KIAA1328: variants seen among roughly 807,000 people sequenced by gnomAD.
The protein encoded by KIAA1328 is protein hinderin.
A neutral mutation model predicts 68.1 loss-of-function variants in KIAA1328; 52 were observed. The observed-to-expected ratio is 0.76, with a 90% CI of 0.61 to 0.96. KIAA1328 has a LOEUF of 0.96. KIAA1328 is among the 40% of genes least tolerant of loss of function. KIAA1328 has a pLI of 0.00. For missense variants in KIAA1328, 641 were observed against 677.6 expected (o/e 0.95, Z 0.60); for synonymous variants, 232 against 239.4 (o/e 0.97, Z 0.28).
At chr18:36,979,348 A>G (rs2052595212) in intron 6 of KIAA1328, among the ~76,000 whole-genome samples, 1 of 152,156 alleles carries the variant, frequency 6.6e-6, no homozygotes, top group Non-Finnish European at 1.5e-5. Flanking sequence ...ACTAAGAAGT[A>G]AATTTAACCA....
chr18:37,191,255 C>T (rs1024773892), intron 9 of KIAA1328, among the ~76,000 whole-genome samples: 4 of 152,140 alleles, frequency 2.6e-5, no homozygotes, highest in Non-Finnish European at 5.9e-5. Context: ...TTAAATTTAA[C>T]TTCTTTTATA....
At chr18:37,096,747 CTT>C (rs1181525029) in intron 7 of KIAA1328, among the ~76,000 whole-genome samples, 1 of 152,170 alleles carries the variant, frequency 6.6e-6, no homozygotes, top group East Asian at 1.9e-4. Flanking sequence ...TGTTTCCTGA[CTT>C]TTTAATGATT....
intron 7 of KIAA1328, among the ~76,000 whole-genome samples, chr18:37,082,296 C>G (rs2056975288): frequency 6.6e-6 from 1 of 151,626 alleles, no homozygotes; most frequent in African/African-American, 2.4e-5. Context: ...CTCAGCCTCC[C>G]AAGTAGCTGG....
intron 7 of KIAA1328, among the ~76,000 whole-genome samples, chr18:37,085,742 C>G (rs1297338268): frequency 1.3e-5 from 2 of 152,154 alleles, no homozygotes; most frequent in African/African-American, 4.8e-5. Flanking sequence ...TGATAACCAT[C>G]TATTTGCTCC....
intron 7 of KIAA1328, among the ~76,000 whole-genome samples, chr18:37,090,241 A>T (rs2057230090): frequency 6.6e-6 from 1 of 152,158 alleles, no homozygotes; most frequent in Non-Finnish European, 1.5e-5. Context: ...TTAATATTTT[A>T]AAAACAGTAT....
intron 7 of KIAA1328, among the ~76,000 whole-genome samples, chr18:37,105,107 G>T (rs529779415): frequency 3.3e-5 from 5 of 152,274 alleles, no homozygotes; most frequent in African/African-American, 9.6e-5. Context: ...AAATTCTTCA[G>T]CAACATGACT....
At chr18:36,926,827 G>A (rs558964018) in intron 5 of KIAA1328, among the ~76,000 whole-genome samples, 8 of 152,146 alleles carry the variant, frequency 5.3e-5, no homozygotes, top group Admixed American at 6.5e-5. Context: ...AAGAAAAGAC[G>A]TGTAATTGGC....
In KIAA1328 at chr18:36,933,458, G is replaced by A. The variant is rs751419252; in HGVS notation, c.449-25850G>A. ...GGTAGATAACATGGCTAGTAGATGGGTCATATTTCTCAGACCAGCCCTGCA... is the reference window on the plus strand; with the variant it reads ...GGTAGATAACATGGCTAGTAGATGGATCATATTTCTCAGACCAGCCCTGCA... On this transcript the variant is annotated intron_variant, in intron 5 of 9. Coordinates refer to ENST00000280020, the MANE Select transcript of KIAA1328 (RefSeq NM_020776.3). 1.4e-4 allele frequency among the ~76,000 whole-genome samples: 21 copies of A among 152,292 alleles called. 2 individuals carry two copies. The highest frequency in any genetic ancestry group is 1.1e-3 in the Admixed American group (17 of 15,286).
At chr18:37,135,142 AAT>A (rs1176341986) in intron 7 of KIAA1328, among the ~76,000 whole-genome samples, 1 of 152,064 alleles carries the variant, frequency 6.6e-6, no homozygotes, top group Non-Finnish European at 1.5e-5. Context: ...CGCTATTGTG[AAT>A]AGTGTTGCAG....
At chr18:36,890,538 G>C (rs928691875) in intron 5 of KIAA1328, among the ~76,000 whole-genome samples, 1 of 152,106 alleles carries the variant, frequency 6.6e-6, no homozygotes, top group Non-Finnish European at 1.5e-5. Flanking sequence ...GGGCAAGGTG[G>C]TGTGTGCCTG....
chr18:37,086,084 G>T (rs1205916699), intron 7 of KIAA1328, among the ~76,000 whole-genome samples: 1 of 152,182 alleles, frequency 6.6e-6, no homozygotes, highest in East Asian at 1.9e-4. Flanking sequence ...ACCAGGGCCT[G>T]GGGGGTTGGG....
At chr18:36,883,494 A>G (rs549137568) in intron 4 of KIAA1328, among the ~76,000 whole-genome samples, 68 of 152,232 alleles carry the variant, frequency 4.5e-4, no homozygotes, top group Non-Finnish European at 2.2e-4. Flanking sequence ...GCATGCCAAC[A>G]GCAGGTCCCT....
chr18:36,957,255 A>G (rs540320324), intron 5 of KIAA1328, among the ~76,000 whole-genome samples: 20 of 152,286 alleles, frequency 1.3e-4, no homozygotes, highest in Admixed American at 5.2e-4. Context: ...TCGACCCTTA[A>G]TCGTGATGAC....
At chr18:36,917,014 C>CA (rs1017140982) in intron 5 of KIAA1328, among the ~76,000 whole-genome samples, 46 of 149,598 alleles carry the variant, frequency 3.1e-4, no homozygotes, top group Non-Finnish European at 4.8e-4. Flanking sequence ...AAAGCAAAAA[C>CA]AAAAAAAATC....
intron 4 of KIAA1328, among the ~76,000 whole-genome samples, chr18:36,874,076 C>T (rs938165862): frequency 1.3e-5 from 2 of 152,184 alleles, no homozygotes; most frequent in African/African-American, 2.4e-5. Context: ...TTTTCTTTAT[C>T]CAGTCTATCA....
chr18:37,198,741 T>C (rs185855282), intron 9 of KIAA1328, among the ~76,000 whole-genome samples: 1 of 152,324 alleles, frequency 6.6e-6, no homozygotes, highest in East Asian at 1.9e-4. Flanking sequence ...ACTTGTAAAT[T>C]TGATAGTGTA....
At chr18:36,922,482 G>A (rs144929052) in intron 5 of KIAA1328, among the ~76,000 whole-genome samples, 202 of 152,184 alleles carry the variant, frequency 1.3e-3, no homozygotes, top group African/African-American at 4.6e-3. Flanking sequence ...ATTTTTTGAA[G>A]AATCCATCAT....
chr18:36,860,687 C>T (rs968962185), intron 4 of KIAA1328, among the ~76,000 whole-genome samples: 1 of 152,064 alleles, frequency 6.6e-6, no homozygotes, highest in Non-Finnish European at 1.5e-5. Context: ...AATGTCACTG[C>T]TCTTTGTAAT....
At chr18:37,096,324 A>G (rs1214162840) in intron 7 of KIAA1328, among the ~76,000 whole-genome samples, 1 of 151,938 alleles carries the variant, frequency 6.6e-6, no homozygotes, top group Admixed American at 6.6e-5. Flanking sequence ...GAGAACATGC[A>G]GTGTTTGGTT....
Sources: gnomAD v4.1 joint callset for allele counts (sites outside exome capture counted in the v4.1 genomes callset) on GRCh38, gnomAD v4.1.1 for gene constraint, MANE v1.5 for transcripts, NCBI Gene and HGNC (gene_info 2026-07-23, HGNC 2026-07-21) for gene names.